Variants in SGCZ observed in about 807,000 individuals in gnomAD.
SGCZ encodes the protein sarcoglycan zeta, also known as zeta-sarcoglycan.
In SGCZ, 40 loss-of-function variants were observed where a neutral mutation model predicts 41.3. The observed-to-expected ratio is 0.97, with a 90% CI of 0.75 to 1.26. The LOEUF (loss-of-function observed/expected upper bound fraction) is 1.26, where lower values mean the gene tolerates loss of function less well. Ranked by LOEUF, SGCZ falls within the 50% of genes most tolerant of loss-of-function variation. The probability of loss-of-function intolerance (pLI) is 0.00; values close to 1 mark genes in which losing one functional copy is unlikely to be tolerated. For missense variants in SGCZ, 552 were observed against 369.8 expected (o/e 1.49, Z -4.04); for synonymous variants, 206 against 137.5 (o/e 1.50, Z -3.49).
At chr8:14,421,165 G>C (rs112618964) in intron 2 of SGCZ, among the ~76,000 whole-genome samples, 4 of 152,164 alleles carry the variant, frequency 2.6e-5, no homozygotes, top group African/African-American at 9.6e-5. Flanking sequence ...CGTATGACCA[G>C]TCTAACATTC....
In SGCZ at chr8:14,455,023, A is replaced by G. The variant is rs552943708; in HGVS notation, c.234+99709T>C. Among the ~76,000 whole-genome samples the G allele has an allele frequency of 3.3e-4, 50 of 152,302 alleles. 1 individual carries two copies. Among genetic ancestry groups the G allele is most frequent in the African/African-American group, 1.2e-3 (48 of 41,574 alleles). The stretch of plus-strand genomic sequence containing the variant: ...AGAAGCAATCAAATAGAAGATTAAC[A>G]CATCTGACTACACAAATCTTTTAAA... On this transcript the variant is annotated intron_variant, in intron 2 of 7. Transcript: ENST00000382080.
At chr8:14,945,294 A>T (rs1800405122) in intron 1 of SGCZ, among the ~76,000 whole-genome samples, 1 of 152,116 alleles carries the variant, frequency 6.6e-6, no homozygotes, top group Non-Finnish European at 1.5e-5. Flanking sequence ...TTGCATTATG[A>T]TCTTCCCATT....
intron 1 of SGCZ, among the ~76,000 whole-genome samples, chr8:15,234,896 AAG>A (rs1802074198): frequency 2.1e-5 from 3 of 145,854 alleles, no homozygotes; most frequent in African/African-American, 8.4e-5. Context: ...ATCTAAAACT[AAG>A]CTAAACTATA....
Position 14,092,079 on chromosome 8 carries a change from T to C in SGCZ, c.745-1442A>G, listed in dbSNP as rs575822924. On this transcript the variant is annotated intron_variant, in intron 7 of 7. Transcript: ENST00000382080. ...ACACCATTTATTAAATAGGGAATCC[T>C]TTCCCCATTGCTTGTTTTTGTCAAG... 3.3e-5 allele frequency among the ~76,000 whole-genome samples: 5 copies of C among 152,298 alleles called. No homozygotes were observed. In the South Asian group the frequency reaches 1.0e-3, roughly 32 times the overall value.
intron 5 of SGCZ, among the ~76,000 whole-genome samples, chr8:14,126,506 G>A (rs1438506890): frequency 1.3e-5 from 2 of 152,096 alleles, no homozygotes; most frequent in Non-Finnish European, 2.9e-5. Context: ...TAGAGCAGCT[G>A]TGGAGAAATA....
intron 1 of SGCZ, among the ~76,000 whole-genome samples, chr8:14,852,564 C>T (rs940184556): frequency 6.6e-6 from 1 of 152,100 alleles, no homozygotes; most frequent in African/African-American, 2.4e-5. Flanking sequence ...CCAACAATTG[C>T]CTGAAAATAT....
intron 1 of SGCZ, among the ~76,000 whole-genome samples, chr8:14,917,560 G>C (rs187795918): frequency 2.0e-5 from 3 of 151,846 alleles, no homozygotes; most frequent in Admixed American, 6.6e-5. Context: ...ACATTTCATG[G>C]TGGTCTATTG....
chr8:14,274,048 G>GT (rs1023630641), intron 3 of SGCZ, among the ~76,000 whole-genome samples: 28 of 151,334 alleles, frequency 1.9e-4, no homozygotes, highest in Middle Eastern at 3.2e-3. Context: ...TCAGGGTATT[G>GT]TTTTTTTTCA....
At chr8:14,114,137 T>C (rs13259591) in intron 5 of SGCZ, among the ~76,000 whole-genome samples, 45,501 of 151,932 alleles carry the variant, frequency 0.3, 9,005 homozygotes, top group Non-Finnish European at 0.45. Flanking sequence ...TCGATAACAG[T>C]TGTATACTTA....
intron 2 of SGCZ, among the ~76,000 whole-genome samples, chr8:14,435,834 T>G (rs1411339920): frequency 6.6e-6 from 1 of 152,216 alleles, no homozygotes; most frequent in Non-Finnish European, 1.5e-5. Flanking sequence ...TTAACAGGGC[T>G]AGCCCATGCT....
chr8:14,219,190 A>T (rs1395549847), intron 4 of SGCZ, among the ~76,000 whole-genome samples: 1 of 152,196 alleles, frequency 6.6e-6, no homozygotes, highest in African/African-American at 2.4e-5. Context: ...AGCTCAGTGG[A>T]TGGACCAAGA....
intron 1 of SGCZ, among the ~76,000 whole-genome samples, chr8:14,868,909 T>A (rs114511200): frequency 6.6e-6 from 1 of 152,064 alleles, no homozygotes; most frequent in African/African-American, 2.4e-5. Context: ...GATCCCAGAA[T>A]AGACCAATAA....
intron 2 of SGCZ, among the ~76,000 whole-genome samples, chr8:14,526,934 T>C (rs1461865): frequency 0.48 from 73,354 of 151,956 alleles, 18,027 homozygotes; most frequent in East Asian, 0.65. Flanking sequence ...TGTTAACTAG[T>C]TATCTACTGG....
chr8:15,169,426 C>T lies in SGCZ; in HGVS notation c.39+68159G>A, dbSNP rs116813876. 5.9e-3 allele frequency among the ~76,000 whole-genome samples: 900 copies of T among 152,284 alleles called. 11 individuals are homozygous for T. Among genetic ancestry groups the T allele is most frequent in the African/African-American group, 0.02 (849 of 41,564 alleles). On this transcript the variant is annotated intron_variant, in intron 1 of 7. Coordinates refer to ENST00000382080, the MANE Select transcript of SGCZ (RefSeq NM_139167.4). ...GGTAGGAAACTCTCTAGCAGGGACT[C>T]CAGTCAAACGAGAGTCACTGTTTTC...
intron 1 of SGCZ, among the ~76,000 whole-genome samples, chr8:14,912,981 A>G (rs888818762): frequency 6.6e-6 from 1 of 152,094 alleles, no homozygotes; most frequent in Admixed American, 6.6e-5. Flanking sequence ...GGTTTTAGTT[A>G]GTAATTAATT....
chr8:14,662,873 G>A (rs564629982), intron 1 of SGCZ, among the ~76,000 whole-genome samples: 13 of 152,096 alleles, frequency 8.5e-5, no homozygotes, highest in South Asian at 4.1e-4. Flanking sequence ...GAGTTTGAAG[G>A]TGGAGGAAAG....
At chr8:14,146,070 T>A (rs1377296074) in intron 5 of SGCZ, among the ~76,000 whole-genome samples, 1 of 151,990 alleles carries the variant, frequency 6.6e-6, no homozygotes, top group Non-Finnish European at 1.5e-5. Flanking sequence ...AAGAAAGATA[T>A]CAATATCCAA....
chr8:14,231,217 A>C, intron 4 of SGCZ, among the ~76,000 whole-genome samples: 2 of 73,204 alleles, frequency 2.7e-5, no homozygotes, highest in Admixed American at 1.3e-4. Flanking sequence ...GAGAGGGGGA[A>C]AGAGAGAGAG....
intron 1 of SGCZ, among the ~76,000 whole-genome samples, chr8:15,167,663 T>A (rs144156035): frequency 1.6e-3 from 161 of 102,550 alleles, no homozygotes; most frequent in African/African-American, 5.3e-3. Context: ...TCAGTCCTTT[T>A]TATAATTTGG....
Sources: allele counts gnomAD v4.1 joint callset (sites outside exome capture counted in the v4.1 genomes callset), GRCh38; gene constraint gnomAD v4.1.1; transcripts MANE v1.5; gene names NCBI Gene and HGNC (gene_info 2026-07-23, HGNC 2026-07-21).